UBE2G1: variants seen among roughly 807,000 people sequenced by gnomAD.
UBE2G1 encodes the protein ubiquitin-conjugating enzyme E2 G1.
A neutral mutation model predicts 22.7 loss-of-function variants in UBE2G1; 5 were observed. That is an observed-to-expected ratio of 0.22 (90% confidence interval 0.12 to 0.46). The LOEUF (loss-of-function observed/expected upper bound fraction) is 0.46. UBE2G1 is among the 20% of genes least tolerant of loss of function. The pLI, the probability that UBE2G1 is intolerant of heterozygous loss-of-function variation, is 0.99. For synonymous variants in UBE2G1, 74 were observed against 67.5 expected (o/e 1.10, Z -0.47); for missense variants, 88 against 203.9 (o/e 0.43, Z 3.46).
At chr17:4,365,226 C>G (rs1192913016) in intron 1 of UBE2G1, among the ~76,000 whole-genome samples, 1 of 152,230 alleles carries the variant, frequency 6.6e-6, no homozygotes, top group Admixed American at 6.5e-5. Context: ...ATGACACACG[C>G]CGGGTGTTGT....
intron 1 of UBE2G1, among the ~76,000 whole-genome samples, chr17:4,365,990 G>A: frequency 6.6e-6 from 1 of 151,930 alleles, no homozygotes; most frequent in Non-Finnish European, 1.5e-5. Context: ...CCCCCGCAAC[G>A]TCCTACAGAA....
chr17:4,333,536 C>G (rs954880206), intron 1 of UBE2G1, among the ~76,000 whole-genome samples: 1 of 151,878 alleles, frequency 6.6e-6, no homozygotes, highest in Non-Finnish European at 1.5e-5. Flanking sequence ...ATTAGCTGGG[C>G]GCTGGCCAGG....
intron 2 of UBE2G1, among the ~76,000 whole-genome samples, chr17:4,304,198 C>A (rs1265367665): frequency 3.3e-5 from 5 of 152,010 alleles, no homozygotes; most frequent in African/African-American, 1.2e-4. Flanking sequence ...AGGGTTTTGC[C>A]ATGTAGCCGA....
At position 4,269,521 on chromosome 17, in the gene UBE2G1, G is replaced by A. The variant is rs1024368684; in HGVS notation, c.*3033C>T. On this transcript the variant is annotated 3_prime_UTR_variant, in exon 6 of 6. Coordinates refer to ENST00000396981, the MANE Select transcript of UBE2G1 (RefSeq NM_003342.5). ...ACCACAGCCCAAAGCGGGCAGATTC[G>A]TCGAGGGTGAGTGGGCATATCAAAT... The A allele has an allele frequency of 7.0e-5, 13 of 186,144 alleles. No individual in the cohort carries two copies. The highest frequency in any genetic ancestry group is 1.9e-4 in the East Asian group (1 of 5,204). The allele number at this position is 186,144 out of a possible 1,614,324, so 11.5% of individuals were successfully genotyped here. A position where few individuals can be genotyped will look rare whatever the true frequency, so the allele number is the denominator to read the frequency against.
chr17:4,285,679 A>C (rs931402472), intron 4 of UBE2G1, among the ~76,000 whole-genome samples: 1 of 152,130 alleles, frequency 6.6e-6, no homozygotes, highest in Non-Finnish European at 1.5e-5. Flanking sequence ...CGGCCGGGCG[A>C]GGTGGCTCAT....
At chr17:4,331,787 C>A (rs1969581106) in intron 1 of UBE2G1, 2 of 152,042 alleles carry the variant, frequency 1.3e-5, no homozygotes, top group Admixed American at 1.3e-4. Flanking sequence ...GGAGCTGCAG[C>A]GAAGGAGGAA....
chr17:4,309,811 G>A (rs1013511914), intron 1 of UBE2G1, among the ~76,000 whole-genome samples: 2 of 152,154 alleles, frequency 1.3e-5, no homozygotes, highest in Admixed American at 6.5e-5. Context: ...ATAAACATAG[G>A]TGAGTAAGCT....
At chr17:4,354,846 AGGTTCACTTG>A (rs1780849929) in intron 1 of UBE2G1, among the ~76,000 whole-genome samples, 1 of 152,034 alleles carries the variant, frequency 6.6e-6, no homozygotes, top group Non-Finnish European at 1.5e-5. Flanking sequence ...ATAAGGTGGG[AGGTTCACTTG>A]GGTCTGGGAG....
intron 2 of UBE2G1, among the ~76,000 whole-genome samples, chr17:4,300,942 A>T (rs1969170780): frequency 1.3e-5 from 2 of 151,642 alleles, no homozygotes; most frequent in Admixed American, 1.3e-4. Context: ...TCAAACAAAA[A>T]AAAAAGAGAG....
intron 1 of UBE2G1, among the ~76,000 whole-genome samples, chr17:4,328,856 G>A (rs543681925): frequency 4.6e-5 from 7 of 152,322 alleles, no homozygotes; most frequent in South Asian, 2.1e-4. Context: ...GGAGGCCGGG[G>A]CGGGCAGATC....
intron 1 of UBE2G1, among the ~76,000 whole-genome samples, chr17:4,320,240 C>T (rs1029941963): frequency 1.3e-5 from 2 of 152,020 alleles, no homozygotes; most frequent in Non-Finnish European, 2.9e-5. Context: ...GAGAGAGGTA[C>T]TAAGGAATAC....
chr17:4,350,351 C>G (rs1262997340), intron 1 of UBE2G1, among the ~76,000 whole-genome samples: 2 of 151,940 alleles, frequency 1.3e-5, no homozygotes, highest in East Asian at 3.9e-4. Flanking sequence ...CCCAGCTACT[C>G]AGGTGGCTGA....
intron 2 of UBE2G1, among the ~76,000 whole-genome samples, chr17:4,299,896 G>A (rs1332773224): frequency 2.7e-5 from 4 of 149,022 alleles, no homozygotes; most frequent in African/African-American, 5.0e-5. Context: ...GCGTGATCTC[G>A]GCTCACTGCA....
At chr17:4,288,270 G>A (rs546827224) in intron 4 of UBE2G1, among the ~76,000 whole-genome samples, 8 of 152,050 alleles carry the variant, frequency 5.3e-5, no homozygotes, top group Non-Finnish European at 8.8e-5. Flanking sequence ...TATGACAATC[G>A]CTTTTGTTTT....
intron 1 of UBE2G1, among the ~76,000 whole-genome samples, chr17:4,335,594 A>T (rs1730177937): frequency 1.3e-5 from 2 of 152,222 alleles, no homozygotes; most frequent in African/African-American, 4.8e-5. Context: ...TATAATACCC[A>T]TAGAACTACA....
At chr17:4,315,463 G>T (rs529061595) in intron 1 of UBE2G1, among the ~76,000 whole-genome samples, 14 of 152,164 alleles carry the variant, frequency 9.2e-5, no homozygotes, top group South Asian at 2.1e-4. Flanking sequence ...ACTTTTGGCC[G>T]GGCGCTGTGG....
At chr17:4,298,811 G>A (rs918715091) in intron 2 of UBE2G1, among the ~76,000 whole-genome samples, 7 of 152,096 alleles carry the variant, frequency 4.6e-5, no homozygotes, top group South Asian at 2.1e-4. Flanking sequence ...AGAGATATTC[G>A]AAGAAATGTA....
intron 1 of UBE2G1, among the ~76,000 whole-genome samples, chr17:4,362,925 C>A (rs1485369764): frequency 2.0e-5 from 3 of 152,022 alleles, no homozygotes; most frequent in South Asian, 2.1e-4. Flanking sequence ...GAGTTCGAGA[C>A]CAGCCTGGCC....
At chr17:4,274,354 T>C (rs7216966) in intron 5 of UBE2G1, among the ~76,000 whole-genome samples, 47,807 of 151,672 alleles carry the variant, frequency 0.32, 7,613 homozygotes, top group Middle Eastern at 0.38. Context: ...CCTGCCACCA[T>C]GCCCGGCTAA....
Sources: allele counts gnomAD v4.1 joint callset (sites outside exome capture counted in the v4.1 genomes callset), GRCh38; gene constraint gnomAD v4.1.1; transcripts MANE v1.5; gene names NCBI Gene and HGNC (gene_info 2026-07-23, HGNC 2026-07-21).